NTM: variants seen among roughly 807,000 people sequenced by gnomAD.
The protein encoded by NTM is neurotrimin, also known as IgLON family member 2.
A neutral mutation model predicts 42.1 loss-of-function variants in NTM; 13 were observed. The observed-to-expected ratio is 0.31, with a 90% CI of 0.20 to 0.49. The LOEUF is 0.49. Ranked by LOEUF, NTM falls within the 20% of genes least tolerant of loss-of-function variation. NTM has a pLI of 0.99. For missense variants in NTM, 373 were observed against 452.8 expected (o/e 0.82, Z 1.60); for synonymous variants, 187 against 179.2 (o/e 1.04, Z -0.35).
intron 2 of NTM, among the ~76,000 whole-genome samples, chr11:131,964,530 A>G (rs565556726): frequency 5.3e-5 from 8 of 152,350 alleles, no homozygotes; most frequent in Admixed American, 4.6e-4. Context: ...TTAAGCAAGT[A>G]GAGAAATTAA....
At chr11:131,453,181 A>ATC (rs1447816082) in intron 1 of NTM, among the ~76,000 whole-genome samples, 1 of 152,166 alleles carries the variant, frequency 6.6e-6, no homozygotes, top group African/African-American at 2.4e-5. Context: ...GCCCCCAACT[A>ATC]TCATAGGCAG....
chr11:132,306,521 T>C (rs1591881795), intron 4 of NTM: 5 of 152,240 alleles, frequency 3.3e-5, no homozygotes, highest in Admixed American at 3.3e-4. Context: ...TGTGTGTGAG[T>C]GTGTACATAT....
chr11:131,370,763 A>G lies in NTM; in HGVS notation c.-44A>G. On this transcript the variant is annotated 5_prime_UTR_variant, in exon 1 of 9. Transcript: ENST00000683400. ...TATCAGGAAAGAAAGAAAGAAAAAAACCGAACCTGACAAAAAAGAAGAAAA... is the reference window on the plus strand; with the variant it reads ...TATCAGGAAAGAAAGAAAGAAAAAAGCCGAACCTGACAAAAAAGAAGAAAA... The G allele has an allele frequency of 1.3e-6, 2 of 1,544,678 alleles. No individual in the cohort carries two copies. Among genetic ancestry groups the G allele is most frequent in the Non-Finnish European group, 1.8e-6 (2 of 1,123,350 alleles).
intron 1 of NTM, among the ~76,000 whole-genome samples, chr11:131,905,997 G>T (rs1381878667): frequency 6.6e-6 from 1 of 152,160 alleles, no homozygotes; most frequent in African/African-American, 2.4e-5. Flanking sequence ...GGGGAGTGCA[G>T]GGTGGAGTTC....
intron 2 of NTM, among the ~76,000 whole-genome samples, chr11:131,996,291 AC>A (rs2068004037): frequency 6.6e-6 from 1 of 151,024 alleles, no homozygotes; most frequent in East Asian, 1.9e-4. Flanking sequence ...TGTTCCCCTG[AC>A]CCCCTCCCCT....
intron 1 of NTM, among the ~76,000 whole-genome samples, chr11:131,802,481 C>T (rs1207132010): frequency 6.6e-6 from 1 of 152,236 alleles, no homozygotes; most frequent in African/African-American, 2.4e-5. Flanking sequence ...GCACATGCCA[C>T]CCATCCCCAT....
At chr11:131,563,011 G>A (rs1287578289) in intron 1 of NTM, among the ~76,000 whole-genome samples, 1 of 152,158 alleles carries the variant, frequency 6.6e-6, no homozygotes, top group Non-Finnish European at 1.5e-5. Context: ...GCATGGGGCA[G>A]GCTCTGTCAT....
At chr11:131,827,610 C>A (rs1234208225) in intron 1 of NTM, among the ~76,000 whole-genome samples, 1 of 152,158 alleles carries the variant, frequency 6.6e-6, no homozygotes, top group African/African-American at 2.4e-5. Context: ...AGCCATGAAA[C>A]CACACTACTT....
At chr11:132,096,656 G>A (rs968720038) in intron 2 of NTM, among the ~76,000 whole-genome samples, 1 of 152,152 alleles carries the variant, frequency 6.6e-6, no homozygotes, top group Admixed American at 6.5e-5. Flanking sequence ...ACCCATCAAG[G>A]AGCAATCAGG....
chr11:131,972,177 C>T (rs2063657322), intron 2 of NTM, among the ~76,000 whole-genome samples: 1 of 151,994 alleles, frequency 6.6e-6, no homozygotes, highest in Admixed American at 6.5e-5. Flanking sequence ...TGCACCACTG[C>T]ACTTCAGCCT....
chr11:131,734,512 T>C (rs1157500977), intron 1 of NTM, among the ~76,000 whole-genome samples: 2 of 152,160 alleles, frequency 1.3e-5, no homozygotes, highest in Admixed American at 1.3e-4. Flanking sequence ...AACCCAGATA[T>C]AAATAAGACA....
At chr11:131,456,771 G>GCCCCAA (rs1950936464) in intron 1 of NTM, among the ~76,000 whole-genome samples, 1 of 152,202 alleles carries the variant, frequency 6.6e-6, no homozygotes, top group Non-Finnish European at 1.5e-5. Context: ...GATGACACTA[G>GCCCCAA]CATGTTCCTT....
chr11:131,973,861 G>A (rs901877555), intron 2 of NTM, among the ~76,000 whole-genome samples: 1 of 152,014 alleles, frequency 6.6e-6, no homozygotes, highest in Non-Finnish European at 1.5e-5. Context: ...CACAGCATAG[G>A]CATTCAATAT....
At chr11:131,976,944 G>T (rs1441042376) in intron 2 of NTM, among the ~76,000 whole-genome samples, 1 of 152,206 alleles carries the variant, frequency 6.6e-6, no homozygotes, top group Non-Finnish European at 1.5e-5. Flanking sequence ...AAATATCGGT[G>T]TGTGTGGGTA....
intron 2 of NTM, among the ~76,000 whole-genome samples, chr11:132,043,689 G>A (rs929380881): frequency 6.6e-6 from 1 of 152,220 alleles, no homozygotes; most frequent in Non-Finnish European, 1.5e-5. Flanking sequence ...TCTTCAGAAT[G>A]AGCTGGCAGA....
intron 1 of NTM, among the ~76,000 whole-genome samples, chr11:131,816,859 G>A (rs1160798976): frequency 6.8e-6 from 1 of 147,880 alleles, no homozygotes; most frequent in Non-Finnish European, 1.5e-5. Context: ...TAAAACACTG[G>A]GCACTCAACG....
intron 3 of NTM, among the ~76,000 whole-genome samples, chr11:132,206,036 G>A (rs1486297216): frequency 1.3e-5 from 2 of 152,056 alleles, no homozygotes; most frequent in Admixed American, 6.6e-5. Context: ...GCAACCATTT[G>A]TGCATTTTTC....
intron 1 of NTM, among the ~76,000 whole-genome samples, chr11:131,580,854 A>T (rs1397769650): frequency 6.6e-6 from 1 of 152,200 alleles, no homozygotes; most frequent in African/African-American, 2.4e-5. Flanking sequence ...GGGTTCTTGT[A>T]GCTGTCATGC....
chr11:131,608,880 T>A lies in NTM; in HGVS notation c.82+237992T>A, dbSNP rs1037550532. Among the ~76,000 whole-genome samples, 55 of 152,222 alleles carry A rather than the reference T, an allele frequency of 3.6e-4. 1 individual carries two copies. Among genetic ancestry groups the A allele is most frequent in the Non-Finnish European group, 5.1e-4 (35 of 68,042 alleles). ...ATGGTGTCCTACAGTGAGTTGACGATGGAGTCATGATGAAATATCAAACTT... is the reference window on the plus strand; with the variant it reads ...ATGGTGTCCTACAGTGAGTTGACGAAGGAGTCATGATGAAATATCAAACTT... On this transcript the variant is annotated intron_variant, in intron 1 of 8. Coordinates refer to ENST00000683400, the MANE Select transcript of NTM (RefSeq NM_001352005.2).
Sources: gnomAD v4.1 joint callset for allele counts (sites outside exome capture counted in the v4.1 genomes callset) on GRCh38, gnomAD v4.1.1 for gene constraint, MANE v1.5 for transcripts, NCBI Gene and HGNC (gene_info 2026-07-23, HGNC 2026-07-21) for gene names.